FSTL4: variants seen among roughly 807,000 people sequenced by gnomAD.
The protein encoded by FSTL4 is follistatin like 4.
FSTL4 carries 28 observed loss-of-function variants against 78.2 expected under a neutral mutation model. The ratio of observed to expected loss-of-function variants is 0.36; its 90% CI spans 0.27 to 0.49. The LOEUF (loss-of-function observed/expected upper bound fraction) is 0.49, where lower values mean the gene tolerates loss of function less well. Ranked by LOEUF, FSTL4 falls within the 20% of genes least tolerant of loss-of-function variation. FSTL4 has a pLI of 0.98. For synonymous variants in FSTL4, 422 were observed against 440.5 expected, an observed-to-expected ratio of 0.96 and a Z score of 0.53; for missense variants, 922 against 1,084.9, an observed-to-expected ratio of 0.85 and a Z score of 2.11.
the FSTL4 span, among the ~76,000 whole-genome samples, chr5:133,696,148 C>T: frequency 6.6e-6 from 1 of 152,214 alleles, no homozygotes; most frequent in African/African-American, 2.4e-5. Flanking sequence ...TCCGTAGAAG[C>T]CTGCAGGGAG....
At chr5:133,226,624 T>C (rs1751343491) in intron 8 of FSTL4, among the ~76,000 whole-genome samples, 1 of 152,228 alleles carries the variant, frequency 6.6e-6, no homozygotes, top group Non-Finnish European at 1.5e-5. Context: ...CTATAACTTT[T>C]ACTTTACACA....
intron 4 of FSTL4, among the ~76,000 whole-genome samples, chr5:133,351,232 G>A (rs1754816592): frequency 6.6e-6 from 1 of 151,860 alleles, no homozygotes; most frequent in Non-Finnish European, 1.5e-5. Context: ...CCCTTTGTAG[G>A]TAATGTCTTT....
At chr5:133,219,667 CCA>C (rs755175026) in intron 12 of FSTL4, among the ~76,000 whole-genome samples, 11 of 152,210 alleles carry the variant, frequency 7.2e-5, no homozygotes, top group Non-Finnish European at 1.3e-4. Flanking sequence ...CCCCAGCTCA[CCA>C]CAGTCTTATA....
At chr5:133,812,634 C>T in the FSTL4 span, among the ~76,000 whole-genome samples, 4 of 152,236 alleles carry the variant, frequency 2.6e-5, no homozygotes, top group African/African-American at 9.6e-5. Flanking sequence ...AAGGTCCCCA[C>T]TCCATCCCCC....
At chr5:133,799,682 A>C in the FSTL4 span, among the ~76,000 whole-genome samples, 1 of 138,784 alleles carries the variant, frequency 7.2e-6, no homozygotes, top group Non-Finnish European at 1.6e-5. Context: ...TACCCATCTC[A>C]TCTCTCTCCC....
intron 4 of FSTL4, among the ~76,000 whole-genome samples, chr5:133,391,500 T>C (rs1755849787): frequency 6.6e-6 from 1 of 152,150 alleles, no homozygotes; most frequent in South Asian, 2.1e-4. Flanking sequence ...CAAGGCCACT[T>C]TTGGGTGGGC....
intron 3 of FSTL4, among the ~76,000 whole-genome samples, chr5:133,512,416 T>C (rs553825978): frequency 3.3e-5 from 5 of 152,340 alleles, no homozygotes; most frequent in Admixed American, 1.3e-4. Context: ...GGATCTCAAA[T>C]AGATTGGAGA....
chr5:133,270,355 G>A (rs549284960), intron 6 of FSTL4, among the ~76,000 whole-genome samples: 6 of 152,300 alleles, frequency 3.9e-5, no homozygotes, highest in African/African-American at 9.6e-5. Flanking sequence ...TGCGGAGAGC[G>A]TGTATTAGCA....
At chr5:133,837,874 C>T in the FSTL4 span, among the ~76,000 whole-genome samples, 1 of 151,764 alleles carries the variant, frequency 6.6e-6, no homozygotes. Flanking sequence ...GATTTCCTTT[C>T]TTTATTTTTA....
At chr5:133,769,764 A>G in the FSTL4 span, among the ~76,000 whole-genome samples, 1 of 152,192 alleles carries the variant, frequency 6.6e-6, no homozygotes, top group Non-Finnish European at 1.5e-5. Flanking sequence ...CATATATTGC[A>G]TAGTGGTGAC....
chr5:133,524,169 C>A (rs560903401), intron 3 of FSTL4, among the ~76,000 whole-genome samples: 1 of 152,072 alleles, frequency 6.6e-6, no homozygotes, highest in Non-Finnish European at 1.5e-5. Context: ...GACAGGTCAG[C>A]GTGTCTGGAG....
Position 133,199,272 on chromosome 5 carries a change from T to G in FSTL4, c.2352A>C (p.Pro784=). ...TGTGGGTACCCCCCCAGGGCTGAGC[T>G]GGCCCTGCGGGTGGCTCCTTTAAGT... is the stretch of plus-strand genomic sequence containing the variant. ...LKNLKEPPAG[P]AQPWGGTHRI... Residue 784 remains proline (P), a synonymous_variant, in exon 16 of 16, where the codon CCA becomes CCC. Transcript: ENST00000265342. This position sits in a 1 kb window ranked among gnomAD's most constrained non-coding sequence, Gnocchi z 4.4. The G allele has an allele frequency of 6.2e-7, 1 of 1,613,892 alleles. No homozygotes were observed. Among genetic ancestry groups the G allele is most frequent in the Middle Eastern group, 1.7e-4 (1 of 6,060 alleles).
chr5:133,722,916 T>C, the FSTL4 span, among the ~76,000 whole-genome samples: 1 of 152,248 alleles, frequency 6.6e-6, no homozygotes, highest in Non-Finnish European at 1.5e-5. Context: ...TACAGAAGTT[T>C]GTGGCCATGA....
At chr5:133,540,195 A>C (rs554456577) in intron 3 of FSTL4, among the ~76,000 whole-genome samples, 32 of 152,124 alleles carry the variant, frequency 2.1e-4, no homozygotes, top group African/African-American at 7.5e-4. Context: ...CCAAGCCTCC[A>C]CAATTGCAAG....
chr5:133,526,710 T>C (rs554176909), intron 3 of FSTL4, among the ~76,000 whole-genome samples: 107 of 152,116 alleles, frequency 7.0e-4, no homozygotes, highest in Non-Finnish European at 1.1e-3. Context: ...TGGGGAGGCC[T>C]TTGCAGGGAG....
the FSTL4 span, among the ~76,000 whole-genome samples, chr5:133,688,276 G>A: frequency 1.3e-5 from 2 of 152,194 alleles, no homozygotes; most frequent in African/African-American, 4.8e-5. Context: ...AGCCAGGCGT[G>A]GTGAAGTATG....
chr5:133,692,277 A>G, the FSTL4 span, among the ~76,000 whole-genome samples: 1 of 152,188 alleles, frequency 6.6e-6, no homozygotes, highest in South Asian at 2.1e-4. Context: ...AAGATGAGCC[A>G]AGTGCCTGGA....
chr5:133,370,749 G>A (rs920119007), intron 4 of FSTL4, among the ~76,000 whole-genome samples: 3 of 152,146 alleles, frequency 2.0e-5, no homozygotes, highest in African/African-American at 7.2e-5. Context: ...GCAGCAGTGA[G>A]TCAGAGGCTC....
At chr5:133,742,714 T>C in the FSTL4 span, among the ~76,000 whole-genome samples, 2 of 152,074 alleles carry the variant, frequency 1.3e-5, no homozygotes, top group Non-Finnish European at 2.9e-5. Context: ...TTAAACTGTT[T>C]CCTCCTCTGG....
Sources: gnomAD v4.1 joint callset for allele counts (sites outside exome capture counted in the v4.1 genomes callset) on GRCh38, gnomAD v4.1.1 for gene constraint, Gnocchi (gnomAD v3.1) non-coding constraint, MANE v1.5 for transcripts, NCBI Gene and HGNC (gene_info 2026-07-23, HGNC 2026-07-21) for gene names.